The following GRIN2D variants were observed in gnomAD, a reference collection of about 807,000 sequenced individuals.
GRIN2D encodes the protein glutamate receptor ionotropic, NMDA 2D.
In GRIN2D, 37 loss-of-function variants were observed where a neutral mutation model predicts 103.2. The observed-to-expected ratio is 0.36, with a 90% CI of 0.28 to 0.47. The LOEUF is 0.47. Ranked by LOEUF, GRIN2D falls within the 20% of genes least tolerant of loss-of-function variation. The pLI, the probability that GRIN2D is intolerant of heterozygous loss-of-function variation, is 1.00. For synonymous variants in GRIN2D, 845 were observed against 885.6 expected, an observed-to-expected ratio of 0.95 and a Z score of 0.81; for missense variants, 1,557 against 1,910.6, an observed-to-expected ratio of 0.81 and a Z score of 3.45.
rs56292890 is a variant in GRIN2D at position 48,416,745 on chromosome 19, C to CTTTTT, written c.1735+599_1735+603dup. Among the ~76,000 whole-genome samples the CTTTTT allele has an allele frequency of 1.6e-4, 23 of 141,192 alleles. 1 individual carries two copies. The highest frequency in any genetic ancestry group is 2.4e-4 in the Non-Finnish European group (16 of 65,654). 92.6% of individuals were successfully genotyped at this position (141,192 alleles called of 152,430 possible). A position where few individuals can be genotyped will look rare whatever the true frequency, so the allele number is the denominator to read the frequency against. ...AGCTTCTACTTCTCTCTCTCTCTCT[C>CTTTTT]TTTTTTTTTTTTTCAGACAGAGTCT... On this transcript the variant is annotated intron_variant, in intron 8 of 13. Transcript: ENST00000263269.
chr19:48,411,793 G>A lies in GRIN2D; in HGVS notation c.1086-2198G>A, dbSNP rs563987813. ...GTTTGGGAGACACCTTGAAGCCAGTGTTGATAGAGAAAAAAAAAAAGAATT... is the reference window on the plus strand; with the variant it reads ...GTTTGGGAGACACCTTGAAGCCAGTATTGATAGAGAAAAAAAAAAAGAATT... On this transcript the variant is annotated intron_variant, in intron 4 of 13. Coordinates refer to ENST00000263269, the MANE Select transcript of GRIN2D (RefSeq NM_000836.4). Among the ~76,000 whole-genome samples the A allele has an allele frequency of 5.3e-5, 8 of 151,700 alleles. 1 individual carries two copies. In the South Asian group the frequency reaches 1.7e-3, roughly 32 times the overall value.
intron 9 of GRIN2D, 57 bp from the exon 10 acceptor site, chr19:48,419,528 T>TC (rs1016834012): frequency 3.2e-5 from 39 of 1,208,994 alleles, no homozygotes; most frequent in Admixed American, 2.1e-4. Flanking sequence ...TTTTTTTTTT[T>TC]CCCTTCCTTA....
chr19:48,444,911 C>T lies in GRIN2D; in HGVS notation c.*974C>T, dbSNP rs556429231. The T allele has an allele frequency of 6.6e-6, 1 of 152,382 alleles. No homozygotes were observed. The highest frequency in any genetic ancestry group is 6.5e-5 in the Admixed American group (1 of 15,306). The allele number at this position is 152,382 out of a possible 1,614,324, so 9.4% of individuals were successfully genotyped here. ...TCCACATTGCAGTGTTTGGAATAAA[C>T]CATGTTTTTATGCCTCCTCAGTCCA... On this transcript the variant is annotated 3_prime_UTR_variant, in exon 14 of 14. Coordinates refer to ENST00000263269, the MANE Select transcript of GRIN2D (RefSeq NM_000836.4). The surrounding 1 kb of genome is among the most constrained non-coding windows in gnomAD (Gnocchi z 5.5).
intron 11 of GRIN2D, among the ~76,000 whole-genome samples, chr19:48,428,231 T>C (rs1340160200): frequency 6.6e-6 from 1 of 151,866 alleles, no homozygotes; most frequent in Non-Finnish European, 1.5e-5. Context: ...GAGATGGGTT[T>C]TTGCCATGTT....
In GRIN2D at chr19:48,394,838, CG is replaced by C. The variant is rs1369348164; in HGVS notation, c.-123del. On this transcript the variant is annotated 5_prime_UTR_variant, in exon 2 of 14. Transcript: ENST00000263269. This position sits in a 1 kb window ranked among gnomAD's most constrained non-coding sequence, Gnocchi z 5.1. ...CGCCCCGGGGCCTGCCCCCCGACAT[CG>C]GCTCTCTGAGCCCTCCTCGGAATCT... 3 of 154,574 alleles carry C rather than the reference CG, an allele frequency of 1.9e-5. No individual in the cohort carries two copies. Among genetic ancestry groups the C allele is most frequent in the African/African-American group, 7.2e-5 (3 of 41,460 alleles). The allele number at this position is 154,574 out of a possible 1,614,324, so 9.6% of individuals were successfully genotyped here. A position where few individuals can be genotyped will look rare whatever the true frequency, so the allele number is the denominator to read the frequency against.
intron 8 of GRIN2D, among the ~76,000 whole-genome samples, chr19:48,417,631 G>A (rs759661906): frequency 1.7e-4 from 26 of 152,148 alleles, no homozygotes; most frequent in Admixed American, 6.6e-5. Flanking sequence ...GTCTCTGCAG[G>A]GCACACTGAG....
At chr19:48,409,105 CA>C (rs1196100550) in intron 4 of GRIN2D, among the ~76,000 whole-genome samples, 2 of 151,906 alleles carry the variant, frequency 1.3e-5, no homozygotes, top group Non-Finnish European at 2.9e-5. Context: ...GAAGGCATCA[CA>C]TGGTAGAAGG....
In GRIN2D at chr19:48,396,193, G is replaced by A. The variant is rs148352046; in HGVS notation, c.-27+1257G>A. 1.1e-3 allele frequency among the ~76,000 whole-genome samples: 171 copies of A among 151,996 alleles called. 1 individual carries two copies. The highest frequency in any genetic ancestry group is 2.0e-3 in the Admixed American group (31 of 15,278). On this transcript the variant is annotated intron_variant, in intron 2 of 13. Coordinates refer to ENST00000263269, the MANE Select transcript of GRIN2D (RefSeq NM_000836.4). ...GAGATGGAGGCGGGGGGAGCGGGGG[G>A]TTGTCCAGAGGCTGGACTCTGTGAT...
intron 3 of GRIN2D, among the ~76,000 whole-genome samples, chr19:48,400,872 C>G (rs1306313035): frequency 1.3e-5 from 2 of 152,096 alleles, no homozygotes; most frequent in African/African-American, 4.8e-5. Flanking sequence ...TTGAGGCCAG[C>G]CTGGCCAACA....
At chr19:48,407,145 T>A (rs1970802823) in intron 4 of GRIN2D, among the ~76,000 whole-genome samples, 2 of 149,070 alleles carry the variant, frequency 1.3e-5, no homozygotes, top group African/African-American at 2.6e-5. Flanking sequence ...GCCCGGCTAA[T>A]TTTTTTTGTA....
intron 11 of GRIN2D, among the ~76,000 whole-genome samples, chr19:48,426,190 TTTCTC>T (rs899731295): frequency 5.3e-5 from 8 of 151,778 alleles, no homozygotes; most frequent in Middle Eastern, 3.2e-3. Flanking sequence ...CTTTTTTTCT[TTTCTC>T]TTCTTTCTTT....
intron 11 of GRIN2D, among the ~76,000 whole-genome samples, chr19:48,427,379 T>C (rs990668402): frequency 1.7e-5 from 1 of 57,858 alleles, no homozygotes; most frequent in African/African-American, 3.1e-5. Context: ...TGTACCAATT[T>C]ACACTCTCAT....
At position 48,443,487 on chromosome 19, in the gene GRIN2D, G is replaced by C; in HGVS notation, c.3561G>C (p.Glu1187Asp). The change falls in exon 14 of 14, where the codon GAG (glutamate) becomes GAC (aspartate). Residue 1187 changes from glutamate to aspartate, a missense_variant. By Grantham distance (45) the Glu-to-Asp change is conservative (BLOSUM62 2). Around this residue, in one of 7 missense-constraint regions of GRIN2D, gnomAD observed 632 missense variants for 572.8 expected, o/e 1.10. Transcript: ENST00000263269. The surrounding 1 kb of genome is among the most constrained non-coding windows in gnomAD (Gnocchi z 8.9). ...AWHCRHCASLELLPPPRHLSC... is the reference protein window; with the variant it reads ...AWHCRHCASLDLLPPPRHLSC... ...ACTGTCGGCACTGCGCCAGCCTGGAGCTGCTGCCGCCGCCGCGCCATCTCA... is the reference window on the plus strand; with the variant it reads ...ACTGTCGGCACTGCGCCAGCCTGGACCTGCTGCCGCCGCCGCGCCATCTCA... 1.5e-6 allele frequency: 2 copies of C among 1,363,116 alleles called. No individual in the cohort carries two copies. Among genetic ancestry groups the C allele is most frequent in the South Asian group, 1.7e-5 (1 of 60,196 alleles). The allele number at this position is 1,363,116 out of a possible 1,614,324, so 84.4% of individuals were successfully genotyped here.
At chr19:48,402,873 C>T (rs1970735944) in intron 3 of GRIN2D, among the ~76,000 whole-genome samples, 1 of 149,444 alleles carries the variant, frequency 6.7e-6, no homozygotes, top group Non-Finnish European at 1.5e-5. Flanking sequence ...TTTTGAGACA[C>T]CTTGGAAATC....
At chr19:48,401,026 T>A (rs1419187918) in intron 3 of GRIN2D, among the ~76,000 whole-genome samples, 1 of 148,416 alleles carries the variant, frequency 6.7e-6, no homozygotes, top group Non-Finnish European at 1.5e-5. Context: ...GAGATTGCAG[T>A]GAGCCGAGAT....
rs1232890461 is a variant in GRIN2D at position 48,421,551 on chromosome 19, C to T, written c.2092-234C>T. On this transcript the variant is annotated intron_variant, in intron 10 of 13. Coordinates refer to ENST00000263269, the MANE Select transcript of GRIN2D (RefSeq NM_000836.4). This position sits in a 1 kb window ranked among gnomAD's most constrained non-coding sequence, Gnocchi z 4.8. Reference sequence around the variant, plus strand: ...CAGTAAGTGAAGACTTAACACCTGGCACATCAGGGGCCTCAGGGAGGCTTC... The same window carrying T: ...CAGTAAGTGAAGACTTAACACCTGGTACATCAGGGGCCTCAGGGAGGCTTC... 6.6e-6 allele frequency among the ~76,000 whole-genome samples: 1 copy of T among 152,178 alleles called. No homozygotes were observed. Among genetic ancestry groups the T allele is most frequent in the Non-Finnish European group, 1.5e-5 (1 of 68,040 alleles).
At position 48,441,862 on chromosome 19, in the gene GRIN2D, G is replaced by C; in HGVS notation, c.2346G>C (p.Lys782Asn). 1 of 1,613,900 alleles carries C rather than the reference G, an allele frequency of 6.2e-7. No homozygotes were observed. The highest frequency in any genetic ancestry group is 8.5e-7 in the Non-Finnish European group (1 of 1,180,028). Residue 782 changes from lysine (K) to asparagine (N), a missense_variant, in exon 12 of 14, where the codon AAG becomes AAC. Lys to Asn is a moderately conservative substitution (Grantham distance 94). This residue lies in a region of GRIN2D where 138 missense variants were observed against 270.2 expected (regional missense o/e 0.51). Transcript: ENST00000263269. Reference sequence around the variant, plus strand: ...AGCTTGTCACCATCGGCTCCGGCAAGGTCTTCGCCACGACAGGCTATGGCA... The same window carrying C: ...AGCTTGTCACCATCGGCTCCGGCAACGTCTTCGCCACGACAGGCTATGGCA... ...GCKLVTIGSG[K>N]VFATTGYGIA...
intron 11 of GRIN2D, among the ~76,000 whole-genome samples, chr19:48,433,690 C>CA (rs1971188789): frequency 6.6e-6 from 1 of 151,846 alleles, no homozygotes; most frequent in African/African-American, 2.4e-5. Flanking sequence ...TCAAGAGGGG[C>CA]AAAAAAGGAA....
chr19:48,410,309 C>T (rs1970841886), intron 4 of GRIN2D, among the ~76,000 whole-genome samples: 1 of 150,674 alleles, frequency 6.6e-6, no homozygotes, highest in South Asian at 2.1e-4. Flanking sequence ...GCGGGCGGAT[C>T]ACGAGGTCAA....
Sources: gnomAD v4.1 joint callset for allele counts (sites outside exome capture counted in the v4.1 genomes callset) on GRCh38, gnomAD v4.1.1 for gene constraint, gnomAD v4.1.1 regional missense constraint, Gnocchi (gnomAD v3.1) non-coding constraint, MANE v1.5 for transcripts, NCBI Gene and HGNC (gene_info 2026-07-23, HGNC 2026-07-21) for gene names.